The following GFY variants were observed in gnomAD, a reference collection of about 807,000 sequenced individuals.
GFY encodes Golgi-associated olfactory signaling regulator.
A neutral mutation model predicts 29.1 loss-of-function variants in GFY; 28 were observed. The observed-to-expected ratio is 0.96, with a 90% CI of 0.71 to 1.32. The LOEUF (loss-of-function observed/expected upper bound fraction) is 1.32. GFY is among the 40% of genes most tolerant of loss of function. The pLI, the probability that GFY is intolerant of heterozygous loss-of-function variation, is 0.00. For missense variants in GFY, 656 were observed against 661.9 expected (o/e 0.99, Z 0.10); for synonymous variants, 277 against 274.5 (o/e 1.01, Z -0.09).
rs1043716245 is a variant in GFY at position 49,426,821 on chromosome 19, CCA to C, written c.392_393del (p.Pro131ArgfsTer4). On this transcript the variant is annotated frameshift_variant, in exon 2 of 4. Coordinates refer to ENST00000610896, the MANE Select transcript of GFY (RefSeq NM_001195256.2). LOFTEE classifies it high-confidence loss of function. ...PKTNLSKMAH[P>X]ESSETPTPGP... ...AACTAACCTCTCCAAAATGGCACACCCAGAGTCTTCTGAGACCCCCACACCTG... is the reference window on the plus strand; with the variant it reads ...AACTAACCTCTCCAAAATGGCACACCGAGTCTTCTGAGACCCCCACACCTG... 1.8e-5 allele frequency: 28 copies of C among 1,535,828 alleles called. No individual in the cohort carries two copies. The highest frequency in any genetic ancestry group is 2.4e-5 in the Non-Finnish European group (28 of 1,146,866).
chr19:49,426,276 T>C (rs1402198442), intron 1 of GFY, 134 bp from the exon 2 acceptor site: 1 of 1,389,710 alleles, frequency 7.2e-7, no homozygotes, highest in African/African-American at 1.5e-5. Flanking sequence ...TGGGTTCTCT[T>C]CCCATCCCTG....
Position 49,428,131 on chromosome 19 carries a change from G to C in GFY, c.1357+12G>C, listed in dbSNP as rs1000202330. 2 of 1,525,916 alleles carry C rather than the reference G, an allele frequency of 1.3e-6. No individual in the cohort carries two copies. The highest frequency in any genetic ancestry group is 1.8e-6 in the Non-Finnish European group (2 of 1,138,346). 94.5% of individuals were successfully genotyped at this position (1,525,916 alleles called of 1,614,324 possible). A position where few individuals can be genotyped will look rare whatever the true frequency, so the allele number is the denominator to read the frequency against. ...CGGAGATGAACCGGGTGAGCGCCCT[G>C]CCCCTTGAATGCCTGCACTTTTCCA... On this transcript the variant is annotated intron_variant, in intron 3 of 3. Coordinates refer to ENST00000610896, the MANE Select transcript of GFY (RefSeq NM_001195256.2).
upstream of GFY, among the ~76,000 whole-genome samples, chr19:49,424,508 T>G (rs538496711): frequency 6.6e-6 from 1 of 152,046 alleles, no homozygotes; most frequent in Non-Finnish European, 1.5e-5. Context: ...CCTCCCAGAG[T>G]GTTGGGATTA....
In GFY at chr19:49,426,636, C is replaced by T; in HGVS notation, c.206C>T (p.Pro69Leu). 6.5e-7 allele frequency: 1 copy of T among 1,536,108 alleles called. No homozygotes were observed. Among genetic ancestry groups the T allele is most frequent in the East Asian group, 2.4e-5 (1 of 40,912 alleles). ...TTTCCTGGGACTCCTTACCCTGAGCCTTCCAAGCTACCTCATACGGTTTCC... is the reference window on the plus strand; with the variant it reads ...TTTCCTGGGACTCCTTACCCTGAGCTTTCCAAGCTACCTCATACGGTTTCC... ...PEFPGTPYPE[P>L]SKLPHTVSLE... Residue 69 changes from proline to leucine, a missense_variant, in exon 2 of 4, where the codon CCT becomes CTT. By Grantham distance (98) the Pro-to-Leu change is moderately conservative. Transcript: ENST00000610896.
Position 49,427,359 on chromosome 19 carries a change from C to T in GFY, c.929C>T (p.Thr310Ile). Residue 310 changes from threonine to isoleucine, a missense_variant, in exon 2 of 4, where the codon ACA becomes ATA. Coordinates refer to ENST00000610896, the MANE Select transcript of GFY (RefSeq NM_001195256.2). Reference sequence around the variant, plus strand: ...CTGTCCCTGAATCCCAAACCAGGAACACCTGCAGCCATCCAGCCCGACTCC... The same window carrying T: ...CTGTCCCTGAATCCCAAACCAGGAATACCTGCAGCCATCCAGCCCGACTCC... The part of the protein sequence containing the change: ...NELSLNPKPG[T>I]PAAIQPDSPK... The T allele has an allele frequency of 6.5e-7, 1 of 1,536,260 alleles. No individual in the cohort carries two copies. The highest frequency in any genetic ancestry group is 2.4e-5 in the East Asian group (1 of 40,926).
Position 49,428,965 on chromosome 19 carries a change from C to T in GFY, c.*147C>T, listed in dbSNP as rs928609582. The T allele has an allele frequency of 3.4e-5, 19 of 557,804 alleles. No individual in the cohort carries two copies. The highest frequency in any genetic ancestry group is 5.5e-5 in the Non-Finnish European group (19 of 344,210). 34.6% of individuals were successfully genotyped at this position (557,804 alleles called of 1,614,324 possible). A position where few individuals can be genotyped will look rare whatever the true frequency, so the allele number is the denominator to read the frequency against. ...GTGATCAGAGAACAAGGTCTGAGACCGAATAAATATCATGTTCCCATGGCT... is the reference window on the plus strand; with the variant it reads ...GTGATCAGAGAACAAGGTCTGAGACTGAATAAATATCATGTTCCCATGGCT... On this transcript the variant is annotated 3_prime_UTR_variant, in exon 4 of 4. Transcript: ENST00000610896.
rs967906669 is a variant in GFY, at chr19:49,427,581, C to T, written c.1151C>T (p.Thr384Ile). 14 of 1,485,318 alleles carry T rather than the reference C, an allele frequency of 9.4e-6. No individual in the cohort carries two copies. Among genetic ancestry groups the T allele is most frequent in the African/African-American group, 2.8e-5 (2 of 70,862 alleles). 92.0% of individuals were successfully genotyped at this position (1,485,318 alleles called of 1,614,324 possible). A position where few individuals can be genotyped will look rare whatever the true frequency, so the allele number is the denominator to read the frequency against. The change falls in exon 2 of 4, where the codon ACC becomes ATC. Residue 384 changes from threonine (T) to isoleucine (I), a missense_variant. Physicochemically the swap from Thr to Ile is moderately conservative, Grantham distance 89. Coordinates refer to ENST00000610896, the MANE Select transcript of GFY (RefSeq NM_001195256.2). ...QRHSRGEGVNTIIVVERVKET... is the reference protein window; with the variant it reads ...QRHSRGEGVNIIIVVERVKET... ...CACAGCCGAGGTGAGGGAGTCAACA[C>T]CATCATCGTGGTGGAGCGAGTGAAG...
In GFY at chr19:49,428,763, G is replaced by T; in HGVS notation, c.1502G>T (p.Arg501Leu). ...CTGCCCCCGCCGCCCCGCGGGGGTCGCCCGCAGCGTCTGGAGGCCCTGTCC... is the reference window on the plus strand; with the variant it reads ...CTGCCCCCGCCGCCCCGCGGGGGTCTCCCGCAGCGTCTGGAGGCCCTGTCC... ...PKLPPPPRGG[R>L]PQRLEALSPA... Residue 501 changes from arginine to leucine, a missense_variant, in exon 4 of 4, where the codon CGC (arginine) becomes CTC (leucine). Physicochemically the swap from Arg to Leu is moderately radical, Grantham distance 102. Transcript: ENST00000610896. 4.6e-6 allele frequency: 7 copies of T among 1,509,134 alleles called. No homozygotes were observed. Among genetic ancestry groups the T allele is most frequent in the South Asian group, 1.2e-5 (1 of 81,164 alleles). 93.5% of individuals were successfully genotyped at this position (1,509,134 alleles called of 1,614,324 possible). A position where few individuals can be genotyped will look rare whatever the true frequency, so the allele number is the denominator to read the frequency against.
chr19:49,424,834 CAA>C (rs35953128), upstream of GFY, among the ~76,000 whole-genome samples: 4 of 120,986 alleles, frequency 3.3e-5, no homozygotes, highest in Non-Finnish European at 3.6e-5. Flanking sequence ...GACTCTGTCT[CAA>C]AAAAAAAAAA....
chr19:49,424,281 T>C (rs551448363), upstream of GFY, among the ~76,000 whole-genome samples: 8 of 152,290 alleles, frequency 5.3e-5, no homozygotes, highest in Non-Finnish European at 8.8e-5. Flanking sequence ...TTGCTCTTGT[T>C]GCCCAGGCTG....
At position 49,426,590 on chromosome 19, in the gene GFY, C is replaced by T. The variant is rs1268986957; in HGVS notation, c.160C>T (p.Arg54Ter). The T allele has an allele frequency of 2.0e-6, 3 of 1,536,110 alleles. No homozygotes were observed. Among genetic ancestry groups the T allele is most frequent in the Non-Finnish European group, 2.6e-6 (3 of 1,146,890 alleles). ...GAAGGGTGCTTCTGAAAATTCCAAA[C>T]GAGATCGCCTTAACCCAGAATTTCC... ...PLKGASENSKRDRLNPEFPGT... is the reference protein window; with the variant it reads ...PLKGASENSK Residue 54 changes from arginine (R) to a stop codon, truncating the protein, a stop_gained, in exon 2 of 4, where the codon CGA becomes TGA. Coordinates refer to ENST00000610896, the MANE Select transcript of GFY (RefSeq NM_001195256.2). LOFTEE classifies it high-confidence loss of function.
chr19:49,428,458 C>T (rs2078943409), intron 3 of GFY, among the ~76,000 whole-genome samples, 161 bp from the exon 4 acceptor site: 1 of 152,038 alleles, frequency 6.6e-6, no homozygotes, highest in African/African-American at 2.4e-5. Flanking sequence ...GTTTCTGCAG[C>T]GGCCCCCACC....
rs1013956662 is a variant in GFY, at chr19:49,426,893, C to T, written c.463C>T (p.Pro155Ser). Residue 155 changes from proline (P) to serine (S), a missense_variant, in exon 2 of 4, where the codon CCT (proline) becomes TCT (serine). Coordinates refer to ENST00000610896, the MANE Select transcript of GFY (RefSeq NM_001195256.2). ...PHPGSPETPKPNFSKTSRPEF... is the reference protein window; with the variant it reads ...PHPGSPETPKSNFSKTSRPEF... The stretch of plus-strand genomic sequence containing the variant: ...CCCAGGATCCCCTGAGACCCCCAAA[C>T]CTAACTTCTCCAAAACTTCACGCCC... 4 of 1,535,860 alleles carry T rather than the reference C, an allele frequency of 2.6e-6. No homozygotes were observed. The African/African-American group carries it at 5.5e-5, about 21-fold the overall frequency.
Position 49,426,543 on chromosome 19 carries a change from AC to A in GFY, c.117del (p.Ser40LeufsTer6). On this transcript the variant is annotated frameshift_variant, in exon 2 of 4. Transcript: ENST00000610896. LOFTEE classifies it high-confidence loss of function. Reference sequence around the variant, plus strand: ...GGCTGTGGCTTTCCGGACATGGCCCACCCCTCTGAGACTTCCCCTCTGAAGG... The same window carrying A: ...GGCTGTGGCTTTCCGGACATGGCCCACCCTCTGAGACTTCCCCTCTGAAGG... ...PLGCGFPDMA[H>X]PSETSPLKGA... is the part of the protein sequence containing the mutation. The A allele has an allele frequency of 6.5e-7, 1 of 1,535,960 alleles. No individual in the cohort carries two copies. The highest frequency in any genetic ancestry group is 8.7e-7 in the Non-Finnish European group (1 of 1,146,852).
chr19:49,424,810 G>A (rs1975056656), upstream of GFY, among the ~76,000 whole-genome samples: 2 of 151,720 alleles, frequency 1.3e-5, no homozygotes, highest in African/African-American at 4.9e-5. Context: ...ACTCCAGCCT[G>A]GGCAACAGAG....
At position 49,427,071 on chromosome 19, in the gene GFY, C is replaced by T. The variant is rs1975083176; in HGVS notation, c.641C>T (p.Pro214Leu). 2.0e-6 allele frequency: 3 copies of T among 1,535,692 alleles called. No individual in the cohort carries two copies. The highest frequency in any genetic ancestry group is 2.7e-5 in the African/African-American group (2 of 72,998). ...ACCAAGACCCCTGACCCCAAATCCC[C>T]AGAAAAGCATGACCTCAACTCCACT... ...NPTKTPDPKSPEKHDLNSTET... is the reference protein window; with the variant it reads ...NPTKTPDPKSLEKHDLNSTET... Residue 214 changes from proline (P) to leucine (L), a missense_variant, in exon 2 of 4, where the codon CCA (proline) becomes CTA (leucine). By Grantham distance (98) the Pro-to-Leu change is moderately conservative. Transcript: ENST00000610896.
At chr19:49,425,901 G>T (rs893621142) in intron 1 of GFY, among the ~76,000 whole-genome samples, 1 of 152,046 alleles carries the variant, frequency 6.6e-6, no homozygotes, top group Non-Finnish European at 1.5e-5. Context: ...CCTGCAAGAC[G>T]CAGGAGTCTG....
upstream of GFY, chr19:49,423,895 T>A (rs10417713): frequency 2.0e-5 from 3 of 151,552 alleles, no homozygotes; most frequent in Non-Finnish European, 4.4e-5. Flanking sequence ...CAGATGGAGA[T>A]GGAGGAGGGA....
Position 49,428,683 on chromosome 19 carries a change from C to A in GFY, c.1422C>A (p.Val474=). 2 of 1,532,154 alleles carry A rather than the reference C, an allele frequency of 1.3e-6. No homozygotes were observed. The highest frequency in any genetic ancestry group is 1.7e-6 in the Non-Finnish European group (2 of 1,144,920). The allele number at this position is 1,532,154 out of a possible 1,614,324, so 94.9% of individuals were successfully genotyped here. The change falls in exon 4 of 4, where the codon GTC becomes GTA. Residue 474 remains valine (V), a synonymous_variant. Transcript: ENST00000610896. ...ACTTTTATGCTCCGGATACCTGGGTCCCTTCCCACATCGCCACCAAGCAGC... is the reference window on the plus strand; with the variant it reads ...ACTTTTATGCTCCGGATACCTGGGTACCTTCCCACATCGCCACCAAGCAGC... ...DLYFYAPDTW[V]PSHIATKQPP... is the part of the protein sequence containing the mutation.
Sources: gnomAD v4.1 joint callset for allele counts (sites outside exome capture counted in the v4.1 genomes callset) on GRCh38, gnomAD v4.1.1 for gene constraint, MANE v1.5 for transcripts, NCBI Gene and HGNC (gene_info 2026-07-23, HGNC 2026-07-21) for gene names.